The following SETD2 variants were observed in gnomAD, a reference collection of about 807,000 sequenced individuals.
SETD2 encodes histone-lysine N-methyltransferase SETD2.
SETD2 carries 31 observed loss-of-function variants against 242.1 expected under a neutral mutation model. The observed-to-expected ratio is 0.13, with a 90% CI of 0.10 to 0.17. The LOEUF is 0.17. SETD2 is among the 10% of genes least tolerant of loss of function. The pLI is 1.00. For synonymous variants in SETD2, 1,006 were observed against 1,066.5 expected (o/e 0.94, Z 1.11); for missense variants, 2,481 against 3,046.3 (o/e 0.81, Z 4.37).
intron 1 of SETD2, among the ~76,000 whole-genome samples, chr3:47,134,268 C>A (rs2043544618): frequency 6.6e-6 from 1 of 152,148 alleles, no homozygotes; most frequent in Admixed American, 6.5e-5. Context: ...AAGTTTGGAA[C>A]GAATGAGTTA....
intron 8 of SETD2, among the ~76,000 whole-genome samples, chr3:47,099,623 T>C (rs1209788249): frequency 1.3e-5 from 2 of 152,210 alleles, no homozygotes; most frequent in Non-Finnish European, 2.9e-5. Context: ...ATCTTTTTGT[T>C]TTCTGAGACA....
intron 16 of SETD2, among the ~76,000 whole-genome samples, chr3:47,044,344 C>CAAAAAAAAAAAAAAAAAAAAAAAAA (rs59408277): frequency 2.9e-5 from 1 of 33,948 alleles, no homozygotes; most frequent in African/African-American, 1.1e-4. Context: ...GACTTCATCT[C>CAAAAAAAAAAAAAAAAAAAAAAAAA]AAAAAAAAAA....
intron 15 of SETD2, among the ~76,000 whole-genome samples, chr3:47,048,963 G>T (rs989560959): frequency 4.6e-5 from 7 of 151,890 alleles, no homozygotes; most frequent in Non-Finnish European, 1.0e-4. Context: ...ACCGTGCCTG[G>T]CCTATATTTT....
At position 47,163,957 on chromosome 3, in the gene SETD2, C is replaced by T; in HGVS notation, c.-33G>A. The stretch of plus-strand genomic sequence containing the variant: ...GGCTGGAGACGGCGACGCGAGCCCC[C>T]TCCCCGCAGCAGGGCGACGCGGGGG... On this transcript the variant is annotated 5_prime_UTR_variant, in exon 1 of 21. Coordinates refer to ENST00000409792, the MANE Select transcript of SETD2 (RefSeq NM_014159.7). 6 of 1,272,146 alleles carry T rather than the reference C, an allele frequency of 4.7e-6. No homozygotes were observed. The highest frequency in any genetic ancestry group is 5.0e-6 in the Non-Finnish European group (5 of 1,002,316). 78.8% of individuals were successfully genotyped at this position (1,272,146 alleles called of 1,614,324 possible). A position where few individuals can be genotyped will look rare whatever the true frequency, so the allele number is the denominator to read the frequency against.
chr3:47,034,938 C>T (rs1416974491), intron 18 of SETD2, among the ~76,000 whole-genome samples: 2 of 152,096 alleles, frequency 1.3e-5, no homozygotes, highest in African/African-American at 4.8e-5. Flanking sequence ...TCCAAAGTTC[C>T]AAGCTAGTAG....
intron 13 of SETD2, among the ~76,000 whole-genome samples, chr3:47,063,640 C>T (rs2040434074): frequency 6.6e-6 from 1 of 152,138 alleles, no homozygotes; most frequent in Non-Finnish European, 1.5e-5. Flanking sequence ...CCAAAGCTGT[C>T]CTAAGTACTA....
chr3:47,144,258 C>G (rs2043801422), intron 1 of SETD2, among the ~76,000 whole-genome samples: 1 of 152,058 alleles, frequency 6.6e-6, no homozygotes, highest in Non-Finnish European at 1.5e-5. Context: ...TTTTGGGAGG[C>G]CAAGGCAGGA....
At chr3:47,126,559 T>A in intron 2 of SETD2, 89 bp downstream of exon 2, 1 of 660,770 alleles carries the variant, frequency 1.5e-6, no homozygotes, top group South Asian at 2.1e-5. Context: ...ATAGCTACAT[T>A]TTGAGTGTTT....
In SETD2 at chr3:47,163,918, G is replaced by A. The variant is rs1410684482; in HGVS notation, c.7C>T (p.Gln3Ter). 1 of 1,309,180 alleles carries A rather than the reference G, an allele frequency of 7.6e-7. No individual in the cohort carries two copies. The highest frequency in any genetic ancestry group is 9.8e-7 in the Non-Finnish European group (1 of 1,024,028). 81.1% of individuals were successfully genotyped at this position (1,309,180 alleles called of 1,614,324 possible). A position where few individuals can be genotyped will look rare whatever the true frequency, so the allele number is the denominator to read the frequency against. The change falls in exon 1 of 21, where the codon CAG becomes TAG. Residue 3 changes from glutamine (Q) to a stop codon, truncating the protein, a stop_gained. Transcript: ENST00000409792. LOFTEE classifies it high-confidence loss of function. MK[Q>*]LQPQPPPKMG... ...TTCGGAGGCGGCTGCGGCTGCAGCT[G>A]CTTCATCGGGAGCGGCTGGAGACGG...
chr3:47,091,327 T>TA (rs1277422740), intron 9 of SETD2, among the ~76,000 whole-genome samples: 1 of 152,130 alleles, frequency 6.6e-6, no homozygotes, highest in Non-Finnish European at 1.5e-5. Context: ...TTCACAGGGC[T>TA]AAAAAATGAG....
At position 47,120,198 on chromosome 3, in the gene SETD2, C is replaced by T. The variant is rs2043016155; in HGVS notation, c.4438G>A (p.Val1480Ile). ...TAGACTTACCTTTCTGTTAAATAAA[C>T]ATTTTCTTCAATAAGATCAAAGTAA... is the stretch of plus-strand genomic sequence containing the variant. ...PCYFDLIEEN[V>I]YLTERKKNKS... is the part of the protein sequence containing the mutation. Residue 1480 changes from valine (V) to isoleucine (I), a missense_variant, in exon 3 of 21, where the codon GTT (valine) becomes ATT (isoleucine). Transcript: ENST00000409792. The T allele has an allele frequency of 1.9e-6, 3 of 1,538,952 alleles. No homozygotes were observed. The highest frequency in any genetic ancestry group is 1.7e-4 in the Middle Eastern group (1 of 5,750).
chr3:47,049,374 C>CTTTTT (rs1166711209), intron 15 of SETD2, among the ~76,000 whole-genome samples: 1 of 96,970 alleles, frequency 1.0e-5, no homozygotes, highest in Non-Finnish European at 1.9e-5. Flanking sequence ...TAAACTTATT[C>CTTTTT]TTTTTTTTTT....
intron 1 of SETD2, 53 bp downstream of exon 1, chr3:47,163,801 G>T: frequency 8.2e-7 from 1 of 1,220,224 alleles, no homozygotes; most frequent in South Asian, 4.0e-5. Context: ...CGCCGCCCTC[G>T]GCTGGGGATA....
chr3:47,102,661 G>A (rs1390849251), intron 7 of SETD2, among the ~76,000 whole-genome samples: 1 of 151,586 alleles, frequency 6.6e-6, no homozygotes, highest in Non-Finnish European at 1.5e-5. Flanking sequence ...GGACGTGATG[G>A]CACGCACGTG....
At chr3:47,160,304 T>G (rs989278286) in intron 1 of SETD2, among the ~76,000 whole-genome samples, 1 of 152,058 alleles carries the variant, frequency 6.6e-6, no homozygotes, top group Non-Finnish European at 1.5e-5. Context: ...TTATTTAATT[T>G]TATTATTTTT....
At chr3:47,109,530 C>T (rs2042569854) in intron 5 of SETD2, among the ~76,000 whole-genome samples, 1 of 152,020 alleles carries the variant, frequency 6.6e-6, no homozygotes, top group African/African-American at 2.4e-5. Flanking sequence ...CACCTGTAGT[C>T]CCAGCTACTG....
chr3:47,071,636 A>G (rs562138048), intron 12 of SETD2, among the ~76,000 whole-genome samples: 6 of 152,258 alleles, frequency 3.9e-5, no homozygotes, highest in African/African-American at 1.4e-4. Context: ...AAACAATAAC[A>G]TATAGTGATA....
chr3:47,087,475 G>A (rs1297253812), intron 10 of SETD2, among the ~76,000 whole-genome samples: 3 of 152,130 alleles, frequency 2.0e-5, no homozygotes, highest in Admixed American at 6.5e-5. Context: ...ATCGAATGCC[G>A]CTGCTACTCT....
rs923629681 is a variant in SETD2 at position 47,017,506 on chromosome 3, C to T, written c.7533+132G>A. The T allele has an allele frequency of 1.2e-5, 9 of 754,708 alleles. No homozygotes were observed. Among genetic ancestry groups the T allele is most frequent in the African/African-American group, 1.1e-4 (6 of 56,706 alleles). 46.8% of individuals were successfully genotyped at this position (754,708 alleles called of 1,614,324 possible). On this transcript the variant is annotated intron_variant, in intron 20 of 20. Coordinates refer to ENST00000409792, the MANE Select transcript of SETD2 (RefSeq NM_014159.7). The surrounding 1 kb of genome is among the most constrained non-coding windows in gnomAD (Gnocchi z 4.8). ...CATCCCTCCCCAAACCTTCCCTCCC[C>T]GTTCCTGGGTCCCCAGCTCTGACAT...
Sources: gnomAD v4.1 joint callset for allele counts (sites outside exome capture counted in the v4.1 genomes callset) on GRCh38, gnomAD v4.1.1 for gene constraint, Gnocchi (gnomAD v3.1) non-coding constraint, MANE v1.5 for transcripts, NCBI Gene and HGNC (gene_info 2026-07-23, HGNC 2026-07-21) for gene names.